Variants in RGPD2 observed in about 807,000 individuals in gnomAD.
RGPD2 encodes the protein RANBP2 like and GRIP domain containing 2.
In RGPD2, 2 loss-of-function variants were observed where a neutral mutation model predicts 36.0. The observed-to-expected ratio is 0.06, with a 90% CI of 0.02 to 0.17. The LOEUF (loss-of-function observed/expected upper bound fraction) is 0.17. RGPD2 is among the 10% of genes least tolerant of loss of function. RGPD2 has a pLI of 1.00. For missense variants in RGPD2, 40 were observed against 464.3 expected (o/e 0.09, Z 8.40); for synonymous variants, 19 against 163.8 (o/e 0.12, Z 6.75).
the RGPD2 span, among the ~76,000 whole-genome samples, chr2:87,867,636 G>C: frequency 1.3e-5 from 2 of 152,046 alleles, no homozygotes; most frequent in African/African-American, 4.8e-5. Flanking sequence ...CTCAAAAATA[G>C]GTTTTTAATT....
the RGPD2 span, among the ~76,000 whole-genome samples, chr2:87,957,263 A>G: frequency 1.4e-5 from 2 of 144,090 alleles, no homozygotes; most frequent in South Asian, 4.6e-4. Flanking sequence ...TATGAGATTT[A>G]TAAGAAGAGA....
the RGPD2 span, among the ~76,000 whole-genome samples, chr2:87,885,051 A>G: frequency 4.6e-5 from 7 of 152,068 alleles, no homozygotes; most frequent in African/African-American, 1.7e-4. Context: ...CAATATGCAT[A>G]TGGACTCCAA....
intron 17 of RGPD2, among the ~76,000 whole-genome samples, chr2:87,790,863 CA>C (rs1315366059): frequency 7.3e-6 from 1 of 137,226 alleles, no homozygotes; most frequent in African/African-American, 2.6e-5. Context: ...CTTTTATTTC[CA>C]ATTCCAAAAA....
chr2:87,965,002 TCTC>T, the RGPD2 span, among the ~76,000 whole-genome samples: 40 of 151,846 alleles, frequency 2.6e-4, no homozygotes, highest in East Asian at 7.8e-3. Context: ...AACTAGTATT[TCTC>T]CTCAAGGAAA....
the RGPD2 span, among the ~76,000 whole-genome samples, chr2:87,881,042 C>G: frequency 6.6e-6 from 1 of 151,842 alleles, no homozygotes; most frequent in East Asian, 1.9e-4. Context: ...TCAAAATAAT[C>G]TCCGTTGAAT....
At chr2:87,986,058 C>G in the RGPD2 span, 1 of 610,690 alleles carries the variant, frequency 1.6e-6, no homozygotes, top group Non-Finnish European at 2.9e-6. Context: ...CAATGAGATG[C>G]AAGCATTACC....
chr2:87,828,731 G>A (rs1382153136), upstream of RGPD2, among the ~76,000 whole-genome samples: 1 of 143,322 alleles, frequency 7.0e-6, no homozygotes, highest in Non-Finnish European at 1.5e-5. Flanking sequence ...AGTGATAAAT[G>A]TTAATATATT....
At chr2:87,809,758 C>T (rs1239191783) in intron 6 of RGPD2, among the ~76,000 whole-genome samples, 2 of 151,750 alleles carry the variant, frequency 1.3e-5, no homozygotes, top group East Asian at 1.9e-4. Context: ...AAGTCACCCC[C>T]TCATGGTCCG....
chr2:87,977,460 C>A, the RGPD2 span, among the ~76,000 whole-genome samples: 1 of 150,390 alleles, frequency 6.6e-6, no homozygotes, highest in Non-Finnish European at 1.5e-5. Flanking sequence ...GGAAAGTACA[C>A]TAAATGGATT....
intron 1 of RGPD2, chr2:87,825,078 A>G (rs1686644522): frequency 5.2e-6 from 2 of 386,408 alleles, no homozygotes; most frequent in Non-Finnish European, 9.1e-6. Context: ...AAAATAAAAA[A>G]CTATAGTAAA....
chr2:87,767,404 G>GT (rs1399692449), intron 22 of RGPD2: 1 of 4,460 alleles, frequency 2.2e-4, no homozygotes, highest in African/African-American at 5.2e-4. Flanking sequence ...GTGAGGCAAT[G>GT]TGTCATTTTA....
the RGPD2 span, among the ~76,000 whole-genome samples, chr2:87,839,700 T>C: frequency 6.6e-6 from 1 of 152,026 alleles, no homozygotes; most frequent in African/African-American, 2.4e-5. Flanking sequence ...TATTCTCACT[T>C]ATAGGTAGAA....
chr2:87,943,374 T>C, the RGPD2 span, among the ~76,000 whole-genome samples: 1 of 151,534 alleles, frequency 6.6e-6, no homozygotes, highest in Non-Finnish European at 1.5e-5. Context: ...CATTTTTTCA[T>C]ATACCTTTGG....
intron 6 of RGPD2, among the ~76,000 whole-genome samples, chr2:87,809,282 GCAAC>G (rs1335151453): frequency 6.6e-6 from 1 of 150,938 alleles, no homozygotes; most frequent in African/African-American, 2.4e-5. Flanking sequence ...TCCAGCCTGG[GCAAC>G]AGAGCGAGAC....
At chr2:87,963,840 T>TC in the RGPD2 span, among the ~76,000 whole-genome samples, 16 of 123,882 alleles carry the variant, frequency 1.3e-4, no homozygotes, top group East Asian at 2.1e-3. Flanking sequence ...TTTCTTTCTT[T>TC]TTTTTTTTTT....
the RGPD2 span, among the ~76,000 whole-genome samples, chr2:87,932,743 G>A: frequency 2.6e-5 from 4 of 151,974 alleles, no homozygotes; most frequent in Admixed American, 1.3e-4. Flanking sequence ...ATTCTGGGTT[G>A]GAGATTCTTT....
At chr2:87,897,597 T>C in the RGPD2 span, among the ~76,000 whole-genome samples, 353 of 151,322 alleles carry the variant, frequency 2.3e-3, 1 homozygote, top group East Asian at 0.019. Context: ...CCAGTATACA[T>C]TAGCTGTTTT....
chr2:87,985,826 A>G, the RGPD2 span: 1 of 1,611,320 alleles, frequency 6.2e-7, no homozygotes, highest in Non-Finnish European at 8.5e-7. Context: ...GTCCTACTGG[A>G]GCACTGTGGA....
At chr2:87,934,669 T>G in the RGPD2 span, among the ~76,000 whole-genome samples, 1 of 150,966 alleles carries the variant, frequency 6.6e-6, no homozygotes, top group East Asian at 1.9e-4. Flanking sequence ...TTCTAGACTT[T>G]GAATTTTTGA....
Sources: allele counts gnomAD v4.1 joint callset (sites outside exome capture counted in the v4.1 genomes callset), GRCh38; gene constraint gnomAD v4.1.1; transcripts MANE v1.5; gene names NCBI Gene and HGNC (gene_info 2026-07-23, HGNC 2026-07-21).